The following SPAST variants were observed in gnomAD, a reference collection of about 807,000 sequenced individuals.
The protein encoded by SPAST is spastic paraplegia 4 (autosomal dominant; spastin).
Under a neutral mutation model 76.6 loss-of-function variants are expected in SPAST, and 30 were observed. The observed-to-expected ratio is 0.39, with a 90% confidence interval of 0.29 to 0.53. The LOEUF (loss-of-function observed/expected upper bound fraction) is 0.53, where lower values mean the gene tolerates loss of function less well. Ranked by LOEUF, SPAST falls within the 20% of genes least tolerant of loss-of-function variation. SPAST has a pLI of 0.68. For missense variants in SPAST, 717 were observed against 770.5 expected, an observed-to-expected ratio of 0.93 and a Z score of 0.82; for synonymous variants, 305 against 281.0, an observed-to-expected ratio of 1.09 and a Z score of -0.86.
chr2:32,092,743 C>G (rs1186800108), intron 3 of SPAST, among the ~76,000 whole-genome samples: 1 of 152,110 alleles, frequency 6.6e-6, no homozygotes, highest in African/African-American at 2.4e-5. Flanking sequence ...CGCGGTGGCT[C>G]ACACCTATAA....
At position 32,063,732 on chromosome 2, in the gene SPAST, G is replaced by T. The variant is rs1335756683; in HGVS notation, c.-100G>T. The T allele has an allele frequency of 6.8e-7, 1 of 1,470,180 alleles. No homozygotes were observed. Among genetic ancestry groups the T allele is most frequent in the Non-Finnish European group, 9.1e-7 (1 of 1,102,944 alleles). The allele number at this position is 1,470,180 out of a possible 1,614,324, so 91.1% of individuals were successfully genotyped here. On this transcript the variant is annotated 5_prime_UTR_variant, in exon 1 of 17. Transcript: ENST00000315285. ...GCTCCTGAGACCGGCGGGCACACGG[G>T]GGTCTGTGGCCCCCGCCGTAGCAGT... is the stretch of plus-strand genomic sequence containing the variant.
intron 4 of SPAST, among the ~76,000 whole-genome samples, chr2:32,110,123 T>C (rs1678492497): frequency 6.8e-6 from 1 of 148,016 alleles, no homozygotes; most frequent in South Asian, 2.1e-4. Flanking sequence ...TTTTGTTTTT[T>C]TTGTTTTTTT....
intron 1 of SPAST, among the ~76,000 whole-genome samples, chr2:32,069,732 G>A (rs1199993796): frequency 6.6e-6 from 1 of 151,334 alleles, no homozygotes; most frequent in Admixed American, 6.6e-5. Context: ...AATTTTTTTT[G>A]TATTTTTTAG....
chr2:32,078,786 T>C (rs1458018966), intron 1 of SPAST, among the ~76,000 whole-genome samples: 6 of 152,196 alleles, frequency 3.9e-5, no homozygotes, highest in Non-Finnish European at 8.8e-5. Context: ...GAGAAAAAAA[T>C]ATGCAAAACA....
intron 4 of SPAST, among the ~76,000 whole-genome samples, chr2:32,099,975 G>A (rs1157431732): frequency 7.5e-6 from 1 of 132,970 alleles, no homozygotes; most frequent in Non-Finnish European, 1.6e-5. Flanking sequence ...AGTAAACATG[G>A]GGTGTAGATG....
chr2:32,091,522 C>T (rs1313112218), intron 3 of SPAST, among the ~76,000 whole-genome samples: 1 of 148,424 alleles, frequency 6.7e-6, no homozygotes, highest in African/African-American at 2.5e-5. Flanking sequence ...AGTGATCCAT[C>T]CACCTCAGCC....
At chr2:32,078,839 A>G (rs147208262) in intron 1 of SPAST, among the ~76,000 whole-genome samples, 1,934 of 152,188 alleles carry the variant, frequency 0.013, 24 homozygotes, top group Non-Finnish European at 0.021. Context: ...AATTTTTTTC[A>G]TTTCAATATA....
At chr2:32,114,568 C>G (rs1349078887) in intron 4 of SPAST, 70 bp from the exon 5 acceptor site, 12 of 1,223,534 alleles carry the variant, frequency 9.8e-6, no homozygotes, top group Non-Finnish European at 1.4e-5. Context: ...CTTGGTTTTA[C>G]AAATGTTTGC....
chr2:32,137,199 T>G lies in SPAST; in HGVS notation c.1493+11T>G. On this transcript the variant is annotated intron_variant, in intron 12 of 16. Coordinates refer to ENST00000315285, the MANE Select transcript of SPAST (RefSeq NM_014946.4). ...TGAGGCTGTTCTCAGGTAGGGAGATTTATATGGAAATACATGCATTTATTA... is the reference window on the plus strand; with the variant it reads ...TGAGGCTGTTCTCAGGTAGGGAGATGTATATGGAAATACATGCATTTATTA... The G allele has an allele frequency of 6.3e-7, 1 of 1,586,054 alleles. No homozygotes were observed. The highest frequency in any genetic ancestry group is 8.7e-7 in the Non-Finnish European group (1 of 1,154,418).
At chr2:32,069,687 G>A (rs1329331950) in intron 1 of SPAST, among the ~76,000 whole-genome samples, 1 of 151,746 alleles carries the variant, frequency 6.6e-6, no homozygotes, top group African/African-American at 2.4e-5. Context: ...CTCCCAAGTA[G>A]CTGGGACTAC....
At chr2:32,101,747 A>C (rs1678133648) in intron 4 of SPAST, among the ~76,000 whole-genome samples, 1 of 152,060 alleles carries the variant, frequency 6.6e-6, no homozygotes, top group Non-Finnish European at 1.5e-5. Context: ...TTCCCCATTT[A>C]TTGTTTTTGT....
At chr2:32,108,368 C>T (rs985462525) in intron 4 of SPAST, among the ~76,000 whole-genome samples, 7 of 152,166 alleles carry the variant, frequency 4.6e-5, no homozygotes, top group South Asian at 2.1e-4. Context: ...AACTTTCACC[C>T]GTAGTTTGGT....
At chr2:32,150,574 A>G (rs1156662911) in intron 16 of SPAST, among the ~76,000 whole-genome samples, 2 of 151,732 alleles carry the variant, frequency 1.3e-5, no homozygotes. Flanking sequence ...AGTTGCTGGG[A>G]CTACGGGCAT....
In SPAST at chr2:32,155,652, T is replaced by C. The variant is rs546193636; in HGVS notation, c.*1156T>C. On this transcript the variant is annotated 3_prime_UTR_variant, in exon 17 of 17. Transcript: ENST00000315285. ...CCTTTTGTTCTCCCAAAATGTACAG[T>C]AATTCCATTTGTTTGTATAAATATG... The C allele has an allele frequency of 1.2e-4, 19 of 152,668 alleles. No individual in the cohort carries two copies. Among genetic ancestry groups the C allele is most frequent in the Admixed American group, 1.2e-3 (19 of 15,284 alleles). The allele number at this position is 152,668 out of a possible 1,614,324, so 9.5% of individuals were successfully genotyped here.
intron 3 of SPAST, among the ~76,000 whole-genome samples, chr2:32,094,894 G>A (rs111996870): frequency 1.7e-3 from 257 of 152,334 alleles, no homozygotes; most frequent in Non-Finnish European, 3.1e-3. Context: ...ACTTGAACCC[G>A]GGAGGCGGAG....
At chr2:32,099,745 G>A (rs1291852353) in intron 4 of SPAST, among the ~76,000 whole-genome samples, 1 of 152,006 alleles carries the variant, frequency 6.6e-6, no homozygotes, top group African/African-American at 2.4e-5. Flanking sequence ...CTGCAGTGAT[G>A]TAGAACAATG....
chr2:32,157,265 A>G lies in SPAST; in HGVS notation c.*2769A>G, dbSNP rs1052517375. Reference sequence around the variant, plus strand: ...GAAAGAATGAGTACTATCTTTCCAGATATCTTAAGGGTAAAAGCTTATTCT... The same window carrying G: ...GAAAGAATGAGTACTATCTTTCCAGGTATCTTAAGGGTAAAAGCTTATTCT... On this transcript the variant is annotated 3_prime_UTR_variant, in exon 17 of 17. Transcript: ENST00000315285. 1 of 152,646 alleles carries G rather than the reference A, an allele frequency of 6.6e-6. No homozygotes were observed. The highest frequency in any genetic ancestry group is 1.5e-5 in the Non-Finnish European group (1 of 68,020). The allele number at this position is 152,646 out of a possible 1,614,324, so 9.5% of individuals were successfully genotyped here. A position where few individuals can be genotyped will look rare whatever the true frequency, so the allele number is the denominator to read the frequency against.
intron 14 of SPAST, among the ~76,000 whole-genome samples, chr2:32,144,652 G>A (rs139245997): frequency 4.6e-5 from 7 of 152,280 alleles, no homozygotes; most frequent in African/African-American, 9.6e-5. Context: ...TTGGGAGGCT[G>A]TGGCGGGTGG....
At chr2:32,102,707 T>C (rs1235885333) in intron 4 of SPAST, among the ~76,000 whole-genome samples, 4 of 152,364 alleles carry the variant, frequency 2.6e-5, no homozygotes, top group Non-Finnish European at 5.9e-5. Flanking sequence ...CAAAGGCCTT[T>C]TCTGCATCTA....
Sources: gnomAD v4.1 joint callset for allele counts (sites outside exome capture counted in the v4.1 genomes callset) on GRCh38, gnomAD v4.1.1 for gene constraint, MANE v1.5 for transcripts, NCBI Gene and HGNC (gene_info 2026-07-23, HGNC 2026-07-21) for gene names.